TCFL5: variants seen among roughly 807,000 people sequenced by gnomAD.
TCFL5 encodes the protein transcription factor like 5.
In TCFL5, 9 loss-of-function variants were observed where a neutral mutation model predicts 44.3. The observed-to-expected ratio is 0.20, with a 90% CI of 0.12 to 0.35. TCFL5 has a LOEUF of 0.35. Among genes scored for constraint, TCFL5 ranks in the 10% least tolerant of loss-of-function variants. TCFL5 has a pLI of 1.00. For missense variants in TCFL5, 603 were observed against 613.4 expected, an observed-to-expected ratio of 0.98 and a Z score of 0.18; for synonymous variants, 319 against 271.6, an observed-to-expected ratio of 1.17 and a Z score of -1.72.
In TCFL5 at chr20:62,861,502, G is replaced by A. The variant is rs2064009113; in HGVS notation, c.169C>T (p.Leu57=). 1 of 1,199,978 alleles carries A rather than the reference G, an allele frequency of 8.3e-7. No individual in the cohort carries two copies. Among genetic ancestry groups the A allele is most frequent in the Non-Finnish European group, 1.1e-6 (1 of 950,756 alleles). The allele number at this position is 1,199,978 out of a possible 1,614,324, so 74.3% of individuals were successfully genotyped here. A position where few individuals can be genotyped will look rare whatever the true frequency, so the allele number is the denominator to read the frequency against. The stretch of plus-strand genomic sequence containing the variant: ...ATGTGCGAGCAGAGGATGTGCTGCA[G>A]CTGCGTGTACTCCACCTCCGTCATC... ...VEMTEVEYTQ[L]QHILCSHMEA... Residue 57 remains leucine (L), a synonymous_variant, in exon 1 of 6, where the codon CTG becomes TTG. Transcript: ENST00000335351. The surrounding 1 kb of genome is among the most constrained non-coding windows in gnomAD (Gnocchi z 4.0).
chr20:62,842,860 C>CAT lies in TCFL5; in HGVS notation c.1381-764_1381-763insAT, dbSNP rs1389071925. Reference sequence around the variant, plus strand: ...GCCTTGCCCTCTGCACTGCCACACACTCAGGGTTCCAAGGCCAGCAAGGTG... The same window carrying CAT: ...GCCTTGCCCTCTGCACTGCCACACACATTCAGGGTTCCAAGGCCAGCAAGGTG... On this transcript the variant is annotated intron_variant, in intron 5 of 5. Transcript: ENST00000335351. This position sits in a 1 kb window ranked among gnomAD's most constrained non-coding sequence, Gnocchi z 4.3. Among the ~76,000 whole-genome samples the CAT allele has an allele frequency of 3.3e-5, 5 of 152,262 alleles. No homozygotes were observed. The highest frequency in any genetic ancestry group is 7.3e-5 in the Non-Finnish European group (5 of 68,040).
chr20:62,861,305 G>T lies in TCFL5; in HGVS notation c.366C>A (p.Gly122=), dbSNP rs916087804. 7.6e-6 allele frequency: 9 copies of T among 1,178,006 alleles called. No individual in the cohort carries two copies. In the African/African-American group the frequency reaches 1.3e-4, roughly 17 times the overall value. The allele number at this position is 1,178,006 out of a possible 1,614,324, so 73.0% of individuals were successfully genotyped here. The change falls in exon 1 of 6, where the codon GGC becomes GGA. Residue 122 remains glycine (G), a synonymous_variant. Transcript: ENST00000335351. This position sits in a 1 kb window ranked among gnomAD's most constrained non-coding sequence, Gnocchi z 4.0. ...TGCGCAGCTCCTGGAAGTCGATGTG[G>T]CCCAGGCAGGGCGCGTCGGCCGCCA... is the stretch of plus-strand genomic sequence containing the variant. The part of the protein sequence containing the change: ...SALAADAPCL[G]HIDFQELRMM...
chr20:62,847,054 A>G (rs1466411050), intron 5 of TCFL5, among the ~76,000 whole-genome samples: 1 of 151,476 alleles, frequency 6.6e-6, no homozygotes. Flanking sequence ...GTGGTGGCAC[A>G]TGCCTGTAAT....
intron 5 of TCFL5, among the ~76,000 whole-genome samples, chr20:62,849,541 T>TG (rs2063782660): frequency 6.6e-6 from 1 of 151,966 alleles, no homozygotes; most frequent in African/African-American, 2.4e-5. Context: ...TGCTGGACTG[T>TG]GGAAAAAAAC....
intron 4 of TCFL5, 111 bp downstream of exon 4, chr20:62,857,284 G>T: frequency 6.9e-7 from 1 of 1,439,642 alleles, no homozygotes; most frequent in Non-Finnish European, 9.5e-7. Context: ...GCTCCTACCT[G>T]CTTTATTCCC....
intron 5 of TCFL5, among the ~76,000 whole-genome samples, chr20:62,850,883 A>C (rs902300778): frequency 2.6e-5 from 4 of 151,918 alleles, no homozygotes; most frequent in African/African-American, 9.7e-5. Context: ...ACCCAATCCA[A>C]AGCAGCCCCC....
intron 5 of TCFL5, chr20:62,845,394 A>C: frequency 8.3e-7 from 1 of 1,199,640 alleles, no homozygotes; most frequent in Non-Finnish European, 1.0e-6. Flanking sequence ...AAGTGCTGGG[A>C]TTACAGGCGT....
chr20:62,861,428 C>T lies in TCFL5; in HGVS notation c.243G>A (p.Leu81=). The T allele has an allele frequency of 4.3e-6, 5 of 1,153,190 alleles. No individual in the cohort carries two copies. Among genetic ancestry groups the T allele is most frequent in the Non-Finnish European group, 4.3e-6 (4 of 932,002 alleles). The allele number at this position is 1,153,190 out of a possible 1,614,324, so 71.4% of individuals were successfully genotyped here. Residue 81 remains leucine, a synonymous_variant, in exon 1 of 6, where the codon CTG becomes CTA. Transcript: ENST00000335351. The surrounding 1 kb of genome is among the most constrained non-coding windows in gnomAD (Gnocchi z 4.0). ...GELETRLNSA[L]LAAAGPGAGA... is the part of the protein sequence containing the mutation. ...CTGCGCCCGGGCCCGCCGCCGCCAG[C>T]AGCGCCGAGTTGAGGCGCGTCTCGA...
At position 62,858,151 on chromosome 20, in the gene TCFL5, T is replaced by C. The variant is rs2063924590; in HGVS notation, c.995-513A>G. ...GAACAAAACTGCAGCAGCGTGTGTG[T>C]GTGCCCTCGCCGCAGAAGTGGCTCT... On this transcript the variant is annotated intron_variant, in intron 3 of 5. Coordinates refer to ENST00000335351, the MANE Select transcript of TCFL5 (RefSeq NM_006602.4). Among the ~76,000 whole-genome samples the C allele has an allele frequency of 2.6e-5, 4 of 152,246 alleles. 1 individual carries two copies. In the South Asian group the frequency reaches 6.2e-4, roughly 24 times the overall value.
intron 3 of TCFL5, among the ~76,000 whole-genome samples, chr20:62,858,422 A>G (rs544653998): frequency 6.6e-6 from 1 of 152,384 alleles, no homozygotes; most frequent in South Asian, 2.1e-4. Flanking sequence ...GTCGGCACAG[A>G]GGCTGCTTTA....
At chr20:62,856,878 C>A (rs923733737) in intron 4 of TCFL5, among the ~76,000 whole-genome samples, 3 of 152,066 alleles carry the variant, frequency 2.0e-5, no homozygotes, top group African/African-American at 7.2e-5. Context: ...GCCCCCAGAA[C>A]CTACACTGTG....
chr20:62,858,536 C>T (rs919574969), intron 3 of TCFL5, among the ~76,000 whole-genome samples: 4 of 152,240 alleles, frequency 2.6e-5, no homozygotes, highest in African/African-American at 9.6e-5. Context: ...AGCTCTTCCT[C>T]CCCATCTTGT....
rs2063679431 is a variant in TCFL5, at chr20:62,841,458, C to T, written c.*517G>A. The T allele has an allele frequency of 1.3e-5, 2 of 154,762 alleles. No individual in the cohort carries two copies. Among genetic ancestry groups the T allele is most frequent in the Admixed American group, 6.3e-5 (1 of 15,782 alleles). The allele number at this position is 154,762 out of a possible 1,614,324, so 9.6% of individuals were successfully genotyped here. On this transcript the variant is annotated 3_prime_UTR_variant, in exon 6 of 6. Coordinates refer to ENST00000335351, the MANE Select transcript of TCFL5 (RefSeq NM_006602.4). The stretch of plus-strand genomic sequence containing the variant: ...TTTTAGCACACAGGTTTAAAATGGT[C>T]CTGCACGTTGCAATACAGCAGCACG...
intron 4 of TCFL5, 65 bp downstream of exon 4, chr20:62,857,330 T>C: frequency 6.3e-7 from 1 of 1,588,140 alleles, no homozygotes; most frequent in Admixed American, 1.7e-5. Flanking sequence ...CACTCATCTG[T>C]GATAACCATG....
intron 5 of TCFL5, among the ~76,000 whole-genome samples, chr20:62,847,731 C>T (rs976600077): frequency 1.3e-5 from 2 of 152,240 alleles, no homozygotes; most frequent in Admixed American, 6.5e-5. Flanking sequence ...GTATGTAGGC[C>T]AGGCGCGGTG....
intron 5 of TCFL5, chr20:62,845,146 A>G: frequency 1.0e-6 from 1 of 980,302 alleles, no homozygotes; most frequent in Non-Finnish European, 1.2e-6. Context: ...TTGGATATGG[A>G]GTTTCACTCT....
At chr20:62,846,501 C>T (rs2063744241) in intron 5 of TCFL5, among the ~76,000 whole-genome samples, 1 of 152,226 alleles carries the variant, frequency 6.6e-6, no homozygotes, top group African/African-American at 2.4e-5. Flanking sequence ...TGCAACAGAA[C>T]ATATGTGAAA....
intron 5 of TCFL5, among the ~76,000 whole-genome samples, chr20:62,850,629 C>T (rs2063796427): frequency 6.6e-6 from 1 of 152,120 alleles, no homozygotes; most frequent in Non-Finnish European, 1.5e-5. Context: ...CTCCTACTCC[C>T]TAGCATCCAG....
chr20:62,843,009 G>T lies in TCFL5; in HGVS notation c.1381-912C>A, dbSNP rs566852051. 1.6e-4 allele frequency among the ~76,000 whole-genome samples: 24 copies of T among 152,282 alleles called. 1 individual carries two copies. Among genetic ancestry groups the T allele is most frequent in the Middle Eastern group, 3.4e-3 (1 of 294 alleles). Reference sequence around the variant, plus strand: ...AAAAGGCCTCAATTATAATGGTGGGGTCAGTCTCAACCTCCCGAAGGAGAC... The same window carrying T: ...AAAAGGCCTCAATTATAATGGTGGGTTCAGTCTCAACCTCCCGAAGGAGAC... On this transcript the variant is annotated intron_variant, in intron 5 of 5. Transcript: ENST00000335351.
Sources: gnomAD v4.1 joint callset for allele counts (sites outside exome capture counted in the v4.1 genomes callset) on GRCh38, gnomAD v4.1.1 for gene constraint, Gnocchi (gnomAD v3.1) non-coding constraint, MANE v1.5 for transcripts, NCBI Gene and HGNC (gene_info 2026-07-23, HGNC 2026-07-21) for gene names.